The following MRRF variants were observed in gnomAD, a reference collection of about 807,000 sequenced individuals.
MRRF encodes the protein ribosome-recycling factor, mitochondrial.
MRRF carries 18 observed loss-of-function variants against 25.1 expected under a neutral mutation model. The observed-to-expected ratio is 0.72, with a 90% CI of 0.50 to 1.06. The LOEUF is 1.06. Among genes scored for constraint, MRRF ranks in the 50% least tolerant of loss-of-function variants. The pLI is 0.00. For missense variants in MRRF, 323 were observed against 319.3 expected (o/e 1.01, Z -0.09); for synonymous variants, 113 against 112.1 (o/e 1.01, Z -0.05).
rs1836013724 is a variant in MRRF, at chr9:122,323,599, A to G, written c.*982A>G. The G allele has an allele frequency of 2.0e-5, 3 of 152,138 alleles. No individual in the cohort carries two copies. The highest frequency in any genetic ancestry group is 2.0e-4 in the Admixed American group (3 of 15,278). The allele number at this position is 152,138 out of a possible 1,614,324, so 9.4% of individuals were successfully genotyped here. A position where few individuals can be genotyped will look rare whatever the true frequency, so the allele number is the denominator to read the frequency against. ...CCCATTGTTGACAGACAAGTAGTTT[A>G]TTGTGGCTTATCTTCGGATACTGGG... On this transcript the variant is annotated 3_prime_UTR_variant, in exon 7 of 7. Coordinates refer to ENST00000344641, the MANE Select transcript of MRRF (RefSeq NM_138777.5).
At chr9:122,297,767 A>G (rs1834182236) in intron 5 of MRRF, among the ~76,000 whole-genome samples, 1 of 152,256 alleles carries the variant, frequency 6.6e-6, no homozygotes, top group South Asian at 2.1e-4. Context: ...CTTGTTTGCA[A>G]CATCACTGCA....
chr9:122,284,048 A>G (rs1156268850), intron 3 of MRRF, among the ~76,000 whole-genome samples: 1 of 151,980 alleles, frequency 6.6e-6, no homozygotes, highest in Non-Finnish European at 1.5e-5. Flanking sequence ...TACCAAAATG[A>G]AGGGTCGTAT....
At chr9:122,309,274 A>G (rs1341929832) in intron 5 of MRRF, among the ~76,000 whole-genome samples, 4 of 152,196 alleles carry the variant, frequency 2.6e-5, no homozygotes, top group African/African-American at 7.2e-5. Context: ...TATTATATGC[A>G]TATACCATAT....
chr9:122,291,779 G>C lies in MRRF; in HGVS notation c.490G>C (p.Glu164Gln). The stretch of plus-strand genomic sequence containing the variant: ...AGCTGCAGCTATCAAGGCTATAAGA[G>C]AAAGTGGAATGAATCTGAACCCAGA... Reference protein sequence around the residue: ...CTAAAIKAIRESGMNLNPEVE... With the variant: ...CTAAAIKAIRQSGMNLNPEVE... The change falls in exon 5 of 7, where the codon GAA (glutamate) becomes CAA (glutamine). Residue 164 changes from glutamate (E) to glutamine (Q), a missense_variant. Glu to Gln is a conservative substitution (Grantham distance 29, BLOSUM62 2). Transcript: ENST00000344641. 6.2e-7 allele frequency: 1 copy of C among 1,613,838 alleles called. No individual in the cohort carries two copies. Among genetic ancestry groups the C allele is most frequent in the Non-Finnish European group, 8.5e-7 (1 of 1,179,718 alleles).
At chr9:122,310,474 C>G (rs1835134559) in intron 5 of MRRF, among the ~76,000 whole-genome samples, 1 of 152,382 alleles carries the variant, frequency 6.6e-6, no homozygotes, top group African/African-American at 2.4e-5. Context: ...CCAAAATGCA[C>G]TTTGCATTCT....
At chr9:122,294,180 C>T (rs770789825) in intron 5 of MRRF, among the ~76,000 whole-genome samples, 7 of 152,278 alleles carry the variant, frequency 4.6e-5, no homozygotes, top group Admixed American at 6.5e-5. Flanking sequence ...CCTGCCAGGT[C>T]GTTTCTGAAG....
At chr9:122,265,212 G>C (rs928822519) in intron 1 of MRRF, among the ~76,000 whole-genome samples, 5 of 152,186 alleles carry the variant, frequency 3.3e-5, no homozygotes, top group African/African-American at 1.2e-4. Flanking sequence ...TTGAGTTTCA[G>C]AACAATCCCA....
chr9:122,302,722 C>G (rs577973112), intron 5 of MRRF, among the ~76,000 whole-genome samples: 1 of 152,108 alleles, frequency 6.6e-6, no homozygotes, highest in Non-Finnish European at 1.5e-5. Flanking sequence ...GGATATAAAC[C>G]TAGGAGTGGT....
intron 5 of MRRF, among the ~76,000 whole-genome samples, chr9:122,295,352 G>A (rs953418471): frequency 2.0e-5 from 3 of 152,094 alleles, no homozygotes; most frequent in African/African-American, 7.2e-5. Flanking sequence ...GCTGGTAATT[G>A]ACAAAGCGGT....
chr9:122,297,204 T>C (rs1012847230), intron 5 of MRRF, among the ~76,000 whole-genome samples: 1 of 152,108 alleles, frequency 6.6e-6, no homozygotes, highest in African/African-American at 2.4e-5. Flanking sequence ...TCCCAGCTAC[T>C]CAGGAAGCTG....
At chr9:122,312,366 G>A (rs1477746776) in intron 5 of MRRF, among the ~76,000 whole-genome samples, 1 of 152,058 alleles carries the variant, frequency 6.6e-6, no homozygotes, top group East Asian at 1.9e-4. Context: ...GAATCCAAAA[G>A]GATTTACGTA....
intron 1 of MRRF, among the ~76,000 whole-genome samples, chr9:122,267,056 T>A (rs1201443836): frequency 7.3e-6 from 1 of 136,174 alleles, no homozygotes; most frequent in Admixed American, 7.7e-5. Flanking sequence ...GGCGACAGAG[T>A]GAGACTCCGT....
intron 5 of MRRF, among the ~76,000 whole-genome samples, chr9:122,293,157 G>A (rs980757600): frequency 2.6e-5 from 4 of 152,138 alleles, no homozygotes; most frequent in African/African-American, 9.7e-5. Flanking sequence ...ATTATGGATA[G>A]GGAGGGTCAT....
At chr9:122,291,560 C>T (rs1588041680) in intron 4 of MRRF, among the ~76,000 whole-genome samples, 189 bp from the exon 5 acceptor site, 1 of 151,956 alleles carries the variant, frequency 6.6e-6, no homozygotes, top group Admixed American at 6.6e-5. Context: ...ACAGTGGTAC[C>T]AGGAGTGGAC....
chr9:122,293,456 G>T (rs1362340328), intron 5 of MRRF, among the ~76,000 whole-genome samples: 2 of 152,150 alleles, frequency 1.3e-5, no homozygotes, highest in African/African-American at 4.8e-5. Context: ...CAGACAACAA[G>T]AATCAATCCC....
rs1336460126 is a variant in MRRF, at chr9:122,323,614, C to T, written c.*997C>T. ...CAAGTAGTTTATTGTGGCTTATCTT[C>T]GGATACTGGGTTATTAGGTTTTTTT... On this transcript the variant is annotated 3_prime_UTR_variant, in exon 7 of 7. Coordinates refer to ENST00000344641, the MANE Select transcript of MRRF (RefSeq NM_138777.5). 3 of 152,138 alleles carry T rather than the reference C, an allele frequency of 2.0e-5. No individual in the cohort carries two copies. The highest frequency in any genetic ancestry group is 1.3e-4 in the Admixed American group (2 of 15,262). 9.4% of individuals were successfully genotyped at this position (152,138 alleles called of 1,614,324 possible).
rs577780863 is a variant in MRRF at position 122,309,070 on chromosome 9, C to T, written c.552-4157C>T. ...CTCTTCCCCCAGCCCCTGGTAACTACTATTCTACTTTCCGTCTCTATGAAT... is the reference window on the plus strand; with the variant it reads ...CTCTTCCCCCAGCCCCTGGTAACTATTATTCTACTTTCCGTCTCTATGAAT... On this transcript the variant is annotated intron_variant, in intron 5 of 6. Transcript: ENST00000344641. Among the ~76,000 whole-genome samples the T allele has an allele frequency of 2.6e-5, 4 of 152,322 alleles. No individual in the cohort carries two copies. In the East Asian group the frequency reaches 7.7e-4, roughly 29 times the overall value.
chr9:122,321,326 C>T (rs1262422324), intron 6 of MRRF, among the ~76,000 whole-genome samples: 3 of 152,174 alleles, frequency 2.0e-5, no homozygotes, highest in Non-Finnish European at 4.4e-5. Context: ...TTCATATTAA[C>T]ACCCTATCCT....
chr9:122,322,820 G>T lies in MRRF; in HGVS notation c.*203G>T. On this transcript the variant is annotated 3_prime_UTR_variant, in exon 7 of 7. Transcript: ENST00000344641. Reference sequence around the variant, plus strand: ...TGCTTCTGCTCTGGGCCGGTGGGTGGCTCTCAGAAAATACTTGCTGCTGGC... The same window carrying T: ...TGCTTCTGCTCTGGGCCGGTGGGTGTCTCTCAGAAAATACTTGCTGCTGGC... The T allele has an allele frequency of 6.3e-6, 4 of 633,578 alleles. No individual in the cohort carries two copies. Among genetic ancestry groups the T allele is most frequent in the South Asian group, 5.4e-5 (3 of 55,392 alleles). The allele number at this position is 633,578 out of a possible 1,614,324, so 39.2% of individuals were successfully genotyped here.
Sources: allele counts gnomAD v4.1 joint callset (sites outside exome capture counted in the v4.1 genomes callset), GRCh38; gene constraint gnomAD v4.1.1; transcripts MANE v1.5; gene names NCBI Gene and HGNC (gene_info 2026-07-23, HGNC 2026-07-21).